The following RAB23 variants were observed in gnomAD, a reference collection of about 807,000 sequenced individuals.
RAB23 encodes ras-related protein Rab-23.
Under a neutral mutation model 30.0 loss-of-function variants are expected in RAB23, and 15 were observed. The ratio of observed to expected loss-of-function variants is 0.50; its 90% CI spans 0.33 to 0.77. RAB23 has a LOEUF of 0.77. Among genes scored for constraint, RAB23 ranks in the 30% least tolerant of loss-of-function variants. The pLI is 0.02. For synonymous variants in RAB23, 93 were observed against 94.0 expected (o/e 0.99, Z 0.06); for missense variants, 243 against 275.4 (o/e 0.88, Z 0.83).
chr6:57,217,919 T>A (rs898816537), intron 1 of RAB23, among the ~76,000 whole-genome samples: 7 of 152,078 alleles, frequency 4.6e-5, no homozygotes, highest in Non-Finnish European at 1.0e-4. Flanking sequence ...CAACATAGAC[T>A]CTGCAGACTC....
At position 57,190,332 on chromosome 6, in the gene RAB23, T is replaced by G; in HGVS notation, c.*129A>C. On this transcript the variant is annotated 3_prime_UTR_variant, in exon 7 of 7. Transcript: ENST00000468148. ...CTGAAAAGCACTGCAGAGCAATATT[T>G]AAGTCTGTCACTTTCAGAGAGCCAT... 3 of 1,109,508 alleles carry G rather than the reference T, an allele frequency of 2.7e-6. No individual in the cohort carries two copies. Among genetic ancestry groups the G allele is most frequent in the Non-Finnish European group, 4.1e-6 (3 of 738,066 alleles). The allele number at this position is 1,109,508 out of a possible 1,614,324, so 68.7% of individuals were successfully genotyped here. A position where few individuals can be genotyped will look rare whatever the true frequency, so the allele number is the denominator to read the frequency against.
intron 3 of RAB23, among the ~76,000 whole-genome samples, chr6:57,199,688 T>C (rs1487577918): frequency 6.6e-6 from 1 of 152,150 alleles, no homozygotes; most frequent in Non-Finnish European, 1.5e-5. Context: ...ATAGAAAGAA[T>C]GGTACACAAA....
At position 57,190,223 on chromosome 6, in the gene RAB23, A is replaced by G. The variant is rs563531300; in HGVS notation, c.*238T>C. On this transcript the variant is annotated 3_prime_UTR_variant, in exon 7 of 7. Coordinates refer to ENST00000468148, the MANE Select transcript of RAB23 (RefSeq NM_016277.5). ...AATTTCTTATAGCATTCCTTTACAA[A>G]CAGGAGAAGCTTCGTCTAATGTAAA... 1.3e-5 allele frequency: 6 copies of G among 466,032 alleles called. No individual in the cohort carries two copies. In the South Asian group the frequency reaches 1.3e-4, roughly 10 times the overall value. The allele number at this position is 466,032 out of a possible 1,614,324, so 28.9% of individuals were successfully genotyped here.
chr6:57,190,497 T>C lies in RAB23; in HGVS notation c.678A>G (p.Lys226=). 3.1e-6 allele frequency: 5 copies of C among 1,614,114 alleles called. No homozygotes were observed. The highest frequency in any genetic ancestry group is 3.4e-6 in the Non-Finnish European group (4 of 1,179,974). ...NLRPNKQRTK[K]NRNPFSSCSI... ...TACAGCTGCTAAAAGGATTTCTGTT[T>C]TTCTTGGTCCTTTGTTTGTTGGGTC... is the stretch of plus-strand genomic sequence containing the variant. The change falls in exon 7 of 7, where the codon AAA becomes AAG. Residue 226 remains lysine, a synonymous_variant. Coordinates refer to ENST00000468148, the MANE Select transcript of RAB23 (RefSeq NM_016277.5).
intron 1 of RAB23, among the ~76,000 whole-genome samples, chr6:57,221,136 T>G (rs1766042481): frequency 6.6e-6 from 1 of 152,228 alleles, no homozygotes; most frequent in Non-Finnish European, 1.5e-5. Flanking sequence ...ATCAAAAGGT[T>G]GTTTTCTCAT....
Position 57,190,287 on chromosome 6 carries a change from C to T in RAB23, c.*174G>A. ...GTCCACAGGGCAATAATTTTTCCACCAGAGGTCTCACTCTACATTCTGAAA... is the reference window on the plus strand; with the variant it reads ...GTCCACAGGGCAATAATTTTTCCACTAGAGGTCTCACTCTACATTCTGAAA... On this transcript the variant is annotated 3_prime_UTR_variant, in exon 7 of 7. Transcript: ENST00000468148. 1.4e-6 allele frequency: 1 copy of T among 707,328 alleles called. No individual in the cohort carries two copies. Among genetic ancestry groups the T allele is most frequent in the Non-Finnish European group, 2.3e-6 (1 of 427,892 alleles). The allele number at this position is 707,328 out of a possible 1,614,324, so 43.8% of individuals were successfully genotyped here.
Position 57,189,648 on chromosome 6 carries a change from T to C in RAB23, c.*813A>G, listed in dbSNP as rs1764756911. The C allele has an allele frequency of 2.0e-5, 3 of 152,616 alleles. No individual in the cohort carries two copies. The highest frequency in any genetic ancestry group is 7.2e-5 in the African/African-American group (3 of 41,440). The allele number at this position is 152,616 out of a possible 1,614,324, so 9.5% of individuals were successfully genotyped here. A position where few individuals can be genotyped will look rare whatever the true frequency, so the allele number is the denominator to read the frequency against. ...CAAATTCCTATACTCCTCTTTTATCTACGCTGTCAGATGAAAACTGCTTAC... is the reference window on the plus strand; with the variant it reads ...CAAATTCCTATACTCCTCTTTTATCCACGCTGTCAGATGAAAACTGCTTAC... On this transcript the variant is annotated 3_prime_UTR_variant, in exon 7 of 7. Coordinates refer to ENST00000468148, the MANE Select transcript of RAB23 (RefSeq NM_016277.5).
chr6:57,214,275 G>T (rs978684402), intron 1 of RAB23, among the ~76,000 whole-genome samples: 2 of 152,146 alleles, frequency 1.3e-5, no homozygotes, highest in Admixed American at 1.3e-4. Flanking sequence ...CCAGTAGAGA[G>T]TCATCATGAC....
At chr6:57,216,670 C>T (rs569359318) in intron 1 of RAB23, among the ~76,000 whole-genome samples, 2 of 151,618 alleles carry the variant, frequency 1.3e-5, no homozygotes, top group South Asian at 2.1e-4. Context: ...ATAGACAGAG[C>T]GGCCCTGAGG....
At chr6:57,200,536 CAAAA>C (rs989178921) in intron 3 of RAB23, among the ~76,000 whole-genome samples, 2 of 42,664 alleles carry the variant, frequency 4.7e-5, no homozygotes, top group Non-Finnish European at 4.9e-5. Flanking sequence ...GACTCTGTCT[CAAAA>C]AAAAAAAAAA....
At chr6:57,201,086 CTT>C (rs1172680869) in intron 3 of RAB23, among the ~76,000 whole-genome samples, 1 of 147,844 alleles carries the variant, frequency 6.8e-6, no homozygotes, top group Non-Finnish European at 1.5e-5. Context: ...TTCTCTCTCT[CTT>C]TTTTTTTTTT....
intron 3 of RAB23, among the ~76,000 whole-genome samples, chr6:57,200,975 T>C (rs1334125969): frequency 2.0e-5 from 3 of 152,158 alleles, no homozygotes; most frequent in Non-Finnish European, 4.4e-5. Flanking sequence ...CTGAATATTT[T>C]AAGCTGAAGG....
At chr6:57,205,631 G>A (rs1765430997) in intron 3 of RAB23, among the ~76,000 whole-genome samples, 1 of 152,198 alleles carries the variant, frequency 6.6e-6, no homozygotes, top group African/African-American at 2.4e-5. Context: ...AGAGACTTCT[G>A]AGATGTTAAA....
At chr6:57,221,232 T>C (rs772800890) in intron 1 of RAB23, 1 of 152,204 alleles carries the variant, frequency 6.6e-6, no homozygotes, top group African/African-American at 2.4e-5. Flanking sequence ...ACCTAGATGT[T>C]AGGAGATACA....
chr6:57,199,720 C>T (rs1384702673), intron 3 of RAB23, among the ~76,000 whole-genome samples: 1 of 152,172 alleles, frequency 6.6e-6, no homozygotes, highest in Non-Finnish European at 1.5e-5. Flanking sequence ...GGACGGTTCA[C>T]CTGATACCAA....
rs1327574974 is a variant in RAB23 at position 57,188,952 on chromosome 6, ATTG to A, written c.*1506_*1508del. The A allele has an allele frequency of 5.3e-5, 8 of 152,218 alleles. No individual in the cohort carries two copies. Among genetic ancestry groups the A allele is most frequent in the African/African-American group, 1.4e-4 (6 of 41,454 alleles). The allele number at this position is 152,218 out of a possible 1,614,324, so 9.4% of individuals were successfully genotyped here. On this transcript the variant is annotated 3_prime_UTR_variant, in exon 7 of 7. Transcript: ENST00000468148. ...AAAACACAAAAGGAGTACATAAAAC[ATTG>A]TTTAGTACAAATAATGAAAAATGAC...
rs896900858 is a variant in RAB23, at chr6:57,190,973, T to C, written c.575-373A>G. Among the ~76,000 whole-genome samples, 148 of 152,224 alleles carry C rather than the reference T, an allele frequency of 9.7e-4. 9 individuals are homozygous for C. Among genetic ancestry groups the C allele is most frequent in the Non-Finnish European group, 2.9e-5 (2 of 68,050 alleles). On this transcript the variant is annotated intron_variant, in intron 6 of 6. Coordinates refer to ENST00000468148, the MANE Select transcript of RAB23 (RefSeq NM_016277.5). ...CTACCTTATATAAATGGAATAATAG[T>C]GTCTTTTTGGGACTGACTTATTTCA...
intron 2 of RAB23, among the ~76,000 whole-genome samples, chr6:57,208,685 A>G (rs1211287927): frequency 6.6e-6 from 1 of 151,824 alleles, no homozygotes; most frequent in African/African-American, 2.4e-5. Context: ...TTGCCCTTAA[A>G]CTTAAAATTT....
chr6:57,203,752 A>G (rs1178730844), intron 3 of RAB23, among the ~76,000 whole-genome samples: 1 of 152,236 alleles, frequency 6.6e-6, no homozygotes, highest in African/African-American at 2.4e-5. Flanking sequence ...AAAAAATACC[A>G]TCTACTCCAA....
Sources: allele counts gnomAD v4.1 joint callset (sites outside exome capture counted in the v4.1 genomes callset), GRCh38; gene constraint gnomAD v4.1.1; transcripts MANE v1.5; gene names NCBI Gene and HGNC (gene_info 2026-07-23, HGNC 2026-07-21).